The following GABRG3 variants were observed in gnomAD, a reference collection of about 807,000 sequenced individuals.
The protein encoded by GABRG3 is gamma-aminobutyric acid type A receptor subunit gamma3, also known as gamma-aminobutyric acid receptor subunit gamma-3.
A neutral mutation model predicts 48.8 loss-of-function variants in GABRG3; 25 were observed. The ratio of observed to expected loss-of-function variants is 0.51; its 90% CI spans 0.37 to 0.72. GABRG3 has a LOEUF of 0.72. GABRG3 is among the 30% of genes least tolerant of loss of function. GABRG3 has a pLI of 0.00. For missense variants in GABRG3, 394 were observed against 577.9 expected (o/e 0.68, Z 3.26); for synonymous variants, 227 against 217.6 (o/e 1.04, Z -0.38).
intron 3 of GABRG3, among the ~76,000 whole-genome samples, chr15:27,049,324 CAG>C (rs1435899523): frequency 6.6e-6 from 1 of 152,246 alleles, no homozygotes; most frequent in Non-Finnish European, 1.5e-5. Flanking sequence ...TCGCACAAAT[CAG>C]AGCTTCATTT....
intron 3 of GABRG3, among the ~76,000 whole-genome samples, chr15:27,275,295 A>G (rs17648976): frequency 0.46 from 69,382 of 152,056 alleles, 18,285 homozygotes; most frequent in Non-Finnish European, 0.61. Flanking sequence ...TTAAAATTTC[A>G]TGGTTCTTTC....
chr15:27,258,985 A>G (rs1890698319), intron 3 of GABRG3, among the ~76,000 whole-genome samples: 1 of 151,964 alleles, frequency 6.6e-6, no homozygotes. Flanking sequence ...CTCCACATTT[A>G]CATGAAAACA....
chr15:27,476,235 A>G lies in GABRG3; in HGVS notation c.575-4415A>G, dbSNP rs144433535. Among the ~76,000 whole-genome samples the G allele has an allele frequency of 3.5e-3, 526 of 152,346 alleles. 3 individuals carry two copies. The highest frequency in any genetic ancestry group is 0.012 in the African/African-American group (504 of 41,576). On this transcript the variant is annotated intron_variant, in intron 5 of 9. Transcript: ENST00000615808. Reference sequence around the variant, plus strand: ...TATCTGATATCAGAGTTGTTCCAATATGTTGTCTAAAAGCAACAAAGAAAT... The same window carrying G: ...TATCTGATATCAGAGTTGTTCCAATGTGTTGTCTAAAAGCAACAAAGAAAT...
intron 5 of GABRG3, among the ~76,000 whole-genome samples, chr15:27,462,585 A>G (rs1246836280): frequency 6.6e-6 from 1 of 152,232 alleles, no homozygotes; most frequent in Non-Finnish European, 1.5e-5. Flanking sequence ...ACCAGTGTTT[A>G]TTATTCTAAT....
At position 27,282,184 on chromosome 15, in the gene GABRG3, T is replaced by C. The variant is rs114046166; in HGVS notation, c.271-44625T>C. The stretch of plus-strand genomic sequence containing the variant: ...TTGGTTTTCAGAAGCTTGATTTTAA[T>C]GTGTCTTGGTATGGATTACTTTGGG... On this transcript the variant is annotated intron_variant, in intron 3 of 9. Transcript: ENST00000615808. 5.1e-3 allele frequency among the ~76,000 whole-genome samples: 772 copies of C among 152,334 alleles called. 5 individuals carry two copies. Among genetic ancestry groups the C allele is most frequent in the African/African-American group, 0.017 (711 of 41,574 alleles).
At chr15:27,090,081 A>AT (rs2140754011) in intron 3 of GABRG3, among the ~76,000 whole-genome samples, 1 of 152,294 alleles carries the variant, frequency 6.6e-6, no homozygotes, top group Admixed American at 6.5e-5. Context: ...CTGACTTAAG[A>AT]TTTTTTGACT....
At chr15:27,137,805 G>A (rs548722105) in intron 3 of GABRG3, among the ~76,000 whole-genome samples, 1 of 152,228 alleles carries the variant, frequency 6.6e-6, no homozygotes, top group South Asian at 2.1e-4. Context: ...GTGACTTCTT[G>A]TCTTTCTCCC....
intron 3 of GABRG3, among the ~76,000 whole-genome samples, chr15:27,055,130 T>G (rs1451027969): frequency 6.6e-6 from 1 of 151,624 alleles, no homozygotes; most frequent in Non-Finnish European, 1.5e-5. Flanking sequence ...GAAGGCTGTG[T>G]AATAGAGACT....
At chr15:27,276,529 G>A (rs1295271483) in intron 3 of GABRG3, among the ~76,000 whole-genome samples, 1 of 152,146 alleles carries the variant, frequency 6.6e-6, no homozygotes, top group Admixed American at 6.5e-5. Flanking sequence ...AGCACTTCAT[G>A]CACAGTAAAG....
intron 2 of GABRG3, among the ~76,000 whole-genome samples, chr15:27,004,747 C>T (rs1430256325): frequency 2.0e-5 from 3 of 152,178 alleles, no homozygotes; most frequent in Non-Finnish European, 4.4e-5. Flanking sequence ...TTAAAATTTT[C>T]ATTATGATAA....
intron 5 of GABRG3, among the ~76,000 whole-genome samples, chr15:27,351,378 GGT>G (rs967693878): frequency 6.8e-6 from 1 of 146,940 alleles, no homozygotes; most frequent in Non-Finnish European, 1.5e-5. Context: ...GTGTGTGTAT[GGT>G]GTGTGTGTAT....
chr15:27,082,379 C>A (rs1182607693), intron 3 of GABRG3, among the ~76,000 whole-genome samples: 3 of 152,192 alleles, frequency 2.0e-5, no homozygotes, highest in Non-Finnish European at 2.9e-5. Flanking sequence ...AAATGCATAA[C>A]CTTGCATTTA....
intron 5 of GABRG3, among the ~76,000 whole-genome samples, chr15:27,387,154 T>G (rs905538903): frequency 3.3e-5 from 5 of 152,040 alleles, no homozygotes; most frequent in Admixed American, 6.5e-5. Context: ...AGTACAAACC[T>G]TATTTGAGCA....
At chr15:27,376,537 A>C (rs1895602475) in intron 5 of GABRG3, among the ~76,000 whole-genome samples, 1 of 152,188 alleles carries the variant, frequency 6.6e-6, no homozygotes, top group African/African-American at 2.4e-5. Context: ...AGAGGTTCCT[A>C]AACCTCAGTT....
intron 3 of GABRG3, among the ~76,000 whole-genome samples, chr15:27,118,041 C>T (rs888235047): frequency 3.9e-5 from 6 of 152,220 alleles, no homozygotes; most frequent in Admixed American, 6.5e-5. Flanking sequence ...GTCCCTCTCA[C>T]GACCTCTTCT....
At chr15:27,503,786 A>G (rs1470902261) in intron 6 of GABRG3, among the ~76,000 whole-genome samples, 1 of 152,226 alleles carries the variant, frequency 6.6e-6, no homozygotes, top group African/African-American at 2.4e-5. Context: ...ATCACTAAGC[A>G]TAATTGTAGA....
intron 3 of GABRG3, among the ~76,000 whole-genome samples, chr15:27,220,574 GACAGCAGTGGGC>G (rs1273525722): frequency 6.6e-6 from 1 of 152,180 alleles, no homozygotes; most frequent in Non-Finnish European, 1.5e-5. Flanking sequence ...TGTGTGATGT[GACAGCAGTGGGC>G]ATTTTCCATC....
intron 4 of GABRG3, 143 bp downstream of exon 4, chr15:27,327,172 G>A: frequency 1.4e-6 from 1 of 703,980 alleles, no homozygotes; most frequent in Non-Finnish European, 2.4e-6. Flanking sequence ...GAGAAAGTCT[G>A]CCCTCATGCA....
chr15:27,368,678 G>A (rs1025813882), intron 5 of GABRG3, among the ~76,000 whole-genome samples: 2 of 152,092 alleles, frequency 1.3e-5, no homozygotes, highest in Non-Finnish European at 2.9e-5. Flanking sequence ...ACTTCCTCAG[G>A]GGCACACAGA....
Sources: gnomAD v4.1 joint callset for allele counts (sites outside exome capture counted in the v4.1 genomes callset) on GRCh38, gnomAD v4.1.1 for gene constraint, MANE v1.5 for transcripts, NCBI Gene and HGNC (gene_info 2026-07-23, HGNC 2026-07-21) for gene names.